The following CRTC3 variants were observed in gnomAD, a reference collection of about 807,000 sequenced individuals.
CRTC3 encodes the protein CREB regulated transcription coactivator 3, also known as CREB-regulated transcription coactivator 3.
Under a neutral mutation model 74.5 loss-of-function variants are expected in CRTC3, and 26 were observed. That is an observed-to-expected ratio of 0.35 (90% confidence interval 0.26 to 0.48). CRTC3 has a LOEUF of 0.48. Ranked by LOEUF, CRTC3 falls within the 20% of genes least tolerant of loss-of-function variation. The pLI, the probability that CRTC3 is intolerant of heterozygous loss-of-function variation, is 0.99. For synonymous variants in CRTC3, 377 were observed against 325.8 expected (o/e 1.16, Z -1.69); for missense variants, 760 against 787.3 (o/e 0.97, Z 0.41).
At chr15:90,616,230 T>C (rs530172497) in intron 7 of CRTC3, among the ~76,000 whole-genome samples, 2 of 152,246 alleles carry the variant, frequency 1.3e-5, no homozygotes, top group African/African-American at 4.8e-5. Context: ...TGACAAAGCA[T>C]GGCCTGGTTT....
chr15:90,607,132 G>A (rs1231993081), intron 5 of CRTC3, among the ~76,000 whole-genome samples: 1 of 152,130 alleles, frequency 6.6e-6, no homozygotes, highest in Non-Finnish European at 1.5e-5. Context: ...GAACTTGATC[G>A]CCATGCCATC....
At chr15:90,546,386 T>C (rs925833721) in intron 2 of CRTC3, among the ~76,000 whole-genome samples, 8 of 152,160 alleles carry the variant, frequency 5.3e-5, no homozygotes, top group South Asian at 4.1e-4. Context: ...TTCTGTGTCA[T>C]TGGTTTCTTT....
At chr15:90,603,325 C>T (rs906345880) in intron 4 of CRTC3, among the ~76,000 whole-genome samples, 10 of 150,526 alleles carry the variant, frequency 6.6e-5, no homozygotes, top group Non-Finnish European at 1.2e-4. Context: ...CGCCTGTAGT[C>T]CCAGCTACTC....
intron 2 of CRTC3, among the ~76,000 whole-genome samples, chr15:90,544,264 G>A (rs541726918): frequency 6.6e-6 from 1 of 152,260 alleles, no homozygotes; most frequent in South Asian, 2.1e-4. Context: ...TTGTTTGTCT[G>A]TGTCTGTGTT....
chr15:90,603,951 C>G (rs1968150816), intron 4 of CRTC3, among the ~76,000 whole-genome samples: 1 of 152,094 alleles, frequency 6.6e-6, no homozygotes, highest in African/African-American at 2.4e-5. Flanking sequence ...TTTATGTATC[C>G]AAGAAATGTC....
intron 3 of CRTC3, chr15:90,594,128 G>A (rs374314466): frequency 5.2e-4 from 83 of 160,456 alleles, no homozygotes; most frequent in African/African-American, 1.8e-3. Context: ...ATAGAGATAT[G>A]TGATTTATTT....
intron 2 of CRTC3, among the ~76,000 whole-genome samples, chr15:90,580,647 CA>C: frequency 6.6e-6 from 1 of 151,932 alleles, no homozygotes; most frequent in Non-Finnish European, 1.5e-5. Flanking sequence ...AGGCTGGTCT[CA>C]AACTCCTGAC....
chr15:90,628,327 C>T (rs1223527800), intron 10 of CRTC3, among the ~76,000 whole-genome samples: 1 of 152,092 alleles, frequency 6.6e-6, no homozygotes, highest in Admixed American at 6.5e-5. Flanking sequence ...TTTGTCAACA[C>T]GAAACAACAC....
At chr15:90,545,025 C>G (rs1410298077) in intron 2 of CRTC3, among the ~76,000 whole-genome samples, 3 of 152,236 alleles carry the variant, frequency 2.0e-5, no homozygotes, top group East Asian at 1.9e-4. Context: ...CCACCAGCCT[C>G]TGGCAACTAC....
intron 7 of CRTC3, among the ~76,000 whole-genome samples, chr15:90,616,021 A>G (rs28422776): frequency 0.017 from 2,577 of 150,572 alleles, 74 homozygotes; most frequent in African/African-American, 0.06. Flanking sequence ...CACCACACCC[A>G]GCTAATTTTT....
chr15:90,614,532 T>C, intron 7 of CRTC3, 44 bp downstream of exon 7: 1 of 1,326,744 alleles, frequency 7.5e-7, no homozygotes, highest in African/African-American at 1.4e-5. Flanking sequence ...GGGATGCTGA[T>C]TAGTGGACAT....
At position 90,530,179 on chromosome 15, in the gene CRTC3, C is replaced by T. The variant is rs764893511; in HGVS notation, c.108C>T (p.Leu36=). Residue 36 remains leucine, a synonymous_variant, in exon 1 of 15, where the codon CTC becomes CTT. Coordinates refer to ENST00000268184, the MANE Select transcript of CRTC3 (RefSeq NM_022769.5). This position sits in a 1 kb window ranked among gnomAD's most constrained non-coding sequence, Gnocchi z 6.2. ...QAEETRAFEQ[L]MTDLTLSRVQ... Reference sequence around the variant, plus strand: ...AGGAGACGCGGGCCTTCGAGCAGCTCATGACCGACCTCACCCTGTCGCGGG... The same window carrying T: ...AGGAGACGCGGGCCTTCGAGCAGCTTATGACCGACCTCACCCTGTCGCGGG... 1.5e-6 allele frequency: 2 copies of T among 1,368,680 alleles called. No homozygotes were observed. Among genetic ancestry groups the T allele is most frequent in the South Asian group, 2.7e-5 (2 of 74,288 alleles). 84.8% of individuals were successfully genotyped at this position (1,368,680 alleles called of 1,614,324 possible).
intron 11 of CRTC3, among the ~76,000 whole-genome samples, chr15:90,631,949 C>T (rs1969055176): frequency 1.3e-5 from 2 of 151,318 alleles, no homozygotes; most frequent in South Asian, 2.1e-4. Flanking sequence ...CACCCAGGCT[C>T]GAGTGCAGTG....
At chr15:90,544,868 T>G (rs1281001759) in intron 2 of CRTC3, among the ~76,000 whole-genome samples, 2 of 152,214 alleles carry the variant, frequency 1.3e-5, no homozygotes, top group South Asian at 2.1e-4. Context: ...TTTAAAGTAG[T>G]TTATTGGTAT....
At chr15:90,538,196 G>A (rs967614730) in intron 1 of CRTC3, among the ~76,000 whole-genome samples, 1 of 152,136 alleles carries the variant, frequency 6.6e-6, no homozygotes, top group African/African-American at 2.4e-5. Context: ...GAAATCAAAG[G>A]CTTTAAATCA....
intron 2 of CRTC3, among the ~76,000 whole-genome samples, chr15:90,568,061 C>G (rs1345015983): frequency 6.6e-6 from 1 of 152,164 alleles, no homozygotes; most frequent in Non-Finnish European, 1.5e-5. Flanking sequence ...GCTTCTAACC[C>G]TATTGGATGA....
intron 2 of CRTC3, among the ~76,000 whole-genome samples, chr15:90,555,413 C>CT (rs1567164279): frequency 6.6e-6 from 1 of 152,188 alleles, no homozygotes. Flanking sequence ...AATGCAGACA[C>CT]TATCAGTTTA....
intron 2 of CRTC3, among the ~76,000 whole-genome samples, chr15:90,584,005 C>T (rs1356826776): frequency 6.6e-6 from 1 of 151,960 alleles, no homozygotes; most frequent in Non-Finnish European, 1.5e-5. Flanking sequence ...CTTCACGACT[C>T]CCCCACTTGT....
chr15:90,624,336 C>T (rs1233891872), intron 9 of CRTC3, among the ~76,000 whole-genome samples: 1 of 152,078 alleles, frequency 6.6e-6, no homozygotes, highest in Non-Finnish European at 1.5e-5. Context: ...CTGAGGCCAT[C>T]CTCCACACTG....
Sources: gnomAD v4.1 joint callset for allele counts (sites outside exome capture counted in the v4.1 genomes callset) on GRCh38, gnomAD v4.1.1 for gene constraint, Gnocchi (gnomAD v3.1) non-coding constraint, MANE v1.5 for transcripts, NCBI Gene and HGNC (gene_info 2026-07-23, HGNC 2026-07-21) for gene names.